The following MAP3K20 variants were observed in gnomAD, a reference collection of about 807,000 sequenced individuals.
MAP3K20 encodes the protein HCCS-4.
Under a neutral mutation model 85.7 loss-of-function variants are expected in MAP3K20, and 40 were observed. The ratio of observed to expected loss-of-function variants is 0.47; its 90% CI spans 0.36 to 0.61. The LOEUF (loss-of-function observed/expected upper bound fraction) is 0.61, where lower values mean the gene tolerates loss of function less well. Among genes scored for constraint, MAP3K20 ranks in the 20% least tolerant of loss-of-function variants. The pLI is 0.00. For synonymous variants in MAP3K20, 325 were observed against 327.7 expected, an observed-to-expected ratio of 0.99 and a Z score of 0.09; for missense variants, 817 against 961.7, an observed-to-expected ratio of 0.85 and a Z score of 1.99.
chr2:173,212,131 A>G (rs1035739620), intron 10 of MAP3K20: 1 of 152,130 alleles, frequency 6.6e-6, no homozygotes, highest in East Asian at 1.9e-4. Context: ...GAGAATATAA[A>G]TATGTATGTT....
intron 11 of MAP3K20, among the ~76,000 whole-genome samples, chr2:173,227,395 C>CAGAAA (rs1684418050): frequency 6.6e-6 from 1 of 152,066 alleles, no homozygotes; most frequent in Non-Finnish European, 1.5e-5. Flanking sequence ...TAACAAGGTA[C>CAGAAA]AGAAAACATA....
chr2:173,110,239 ATATTTTTTTTTTTT>A (rs1687928649), intron 2 of MAP3K20, among the ~76,000 whole-genome samples: 1 of 9,764 alleles, frequency 1.0e-4, no homozygotes, highest in Non-Finnish European at 1.7e-4. Context: ...ATATATATAT[ATATTTTTTTTTTTT>A]TTTTTTTTTT....
At chr2:173,109,593 AAG>A (rs1253242529) in intron 2 of MAP3K20, among the ~76,000 whole-genome samples, 1 of 152,176 alleles carries the variant, frequency 6.6e-6, no homozygotes, top group African/African-American at 2.4e-5. Context: ...TGTATAAAGA[AAG>A]AAGTATTTCA....
rs574033663 is a variant in MAP3K20 at position 173,214,426 on chromosome 2, G to C, written c.852-2689G>C. 4 of 152,272 alleles carry C rather than the reference G, an allele frequency of 2.6e-5. No homozygotes were observed. The South Asian group carries it at 8.3e-4, about 32-fold the overall frequency. 9.4% of individuals were successfully genotyped at this position (152,272 alleles called of 1,614,324 possible). A position where few individuals can be genotyped will look rare whatever the true frequency, so the allele number is the denominator to read the frequency against. ...TGTTGTGATGAGCGTTCCGATCTGT[G>C]TCTCTTGGCAAAACACTTGGTTGGT... On this transcript the variant is annotated intron_variant, in intron 10 of 19. Transcript: ENST00000375213.
At chr2:173,210,057 A>G in intron 10 of MAP3K20, 1 of 537,418 alleles carries the variant, frequency 1.9e-6, no homozygotes, top group Non-Finnish European at 3.3e-6. Flanking sequence ...TAAGTATTTG[A>G]AAAGAATATT....
rs1690916366 is a variant in MAP3K20, at chr2:173,198,244, C to G, written c.669+132C>G. 1.4e-6 allele frequency: 1 copy of G among 718,904 alleles called. No individual in the cohort carries two copies. Among genetic ancestry groups the G allele is most frequent in the South Asian group, 1.8e-5 (1 of 54,794 alleles). 44.5% of individuals were successfully genotyped at this position (718,904 alleles called of 1,614,324 possible). On this transcript the variant is annotated intron_variant, in intron 8 of 19. Coordinates refer to ENST00000375213, the MANE Select transcript of MAP3K20 (RefSeq NM_016653.3). The surrounding 1 kb of genome is among the most constrained non-coding windows in gnomAD (Gnocchi z 5.8). ...GAAAGATTAGCAGTAGGAGCTAACA[C>G]AAAGGGTCAAAGTGATGTTATTCCT... is the stretch of plus-strand genomic sequence containing the variant.
intron 11 of MAP3K20, chr2:173,226,500 C>G: frequency 1.0e-6 from 1 of 985,772 alleles, no homozygotes; most frequent in African/African-American, 1.7e-5. Context: ...ACATAAAAAT[C>G]TATTCTCTCC....
At chr2:173,239,342 C>A in intron 15 of MAP3K20, 62 bp from the exon 16 acceptor site, 2 of 1,319,184 alleles carry the variant, frequency 1.5e-6, no homozygotes, top group South Asian at 1.5e-5. Flanking sequence ...AAGATATCAT[C>A]TTCTTTACAT....
intron 10 of MAP3K20, chr2:173,215,764 T>C (rs1029392518): frequency 2.0e-5 from 3 of 152,236 alleles, no homozygotes; most frequent in Admixed American, 6.5e-5. Flanking sequence ...TTGTTTTCAT[T>C]CACTTAGTTA....
intron 7 of MAP3K20, chr2:173,197,740 T>A (rs1319826409): frequency 1.2e-5 from 2 of 166,468 alleles, no homozygotes; most frequent in Non-Finnish European, 2.6e-5. Context: ...TTCTGATAAT[T>A]TATGAGATGA....
At chr2:173,206,059 T>G (rs1309252032) in intron 9 of MAP3K20, among the ~76,000 whole-genome samples, 1 of 152,256 alleles carries the variant, frequency 6.6e-6, no homozygotes, top group Non-Finnish European at 1.5e-5. Context: ...GAAGTCATTT[T>G]GGACATATGT....
At chr2:173,211,897 C>T (rs940390205) in intron 10 of MAP3K20, 1 of 151,902 alleles carries the variant, frequency 6.6e-6, no homozygotes, top group Non-Finnish European at 1.5e-5. Context: ...CTGGGCGACA[C>T]AGCAAGACTC....
At chr2:173,149,606 A>G (rs1022040430) in intron 2 of MAP3K20, among the ~76,000 whole-genome samples, 12 of 152,116 alleles carry the variant, frequency 7.9e-5, no homozygotes, top group East Asian at 1.9e-4. Context: ...ACCTTGCTCA[A>G]TAGCACAGGG....
intron 3 of MAP3K20, among the ~76,000 whole-genome samples, chr2:173,178,381 A>G (rs1316967253): frequency 6.6e-6 from 1 of 152,206 alleles, no homozygotes; most frequent in Non-Finnish European, 1.5e-5. Flanking sequence ...CAGTGGCTCC[A>G]GCCTGTAATC....
Position 173,263,888 on chromosome 2 carries a change from C to T in MAP3K20, c.1695C>T (p.Ser565=), listed in dbSNP as rs772234268. 46 of 1,607,118 alleles carry T rather than the reference C, an allele frequency of 2.9e-5. 1 individual carries two copies. The South Asian group carries it at 3.5e-4, about 12-fold the overall frequency. Residue 565 remains serine, a synonymous_variant, in exon 19 of 20, where the codon TCC becomes TCT. Coordinates refer to ENST00000375213, the MANE Select transcript of MAP3K20 (RefSeq NM_016653.3). ...CAGATGGCAACCCTGGAAGCAGGTC[C>T]GACTCAAGTAAGTTAGTGTTCCCGT... The part of the protein sequence containing the change: ...TNSDGNPGSR[S]DSSADCQWLD...
At chr2:173,097,742 A>T (rs560235168) in intron 2 of MAP3K20, among the ~76,000 whole-genome samples, 1 of 152,248 alleles carries the variant, frequency 6.6e-6, no homozygotes, top group African/African-American at 2.4e-5. Context: ...GAGAAGATCA[A>T]CATGTCAAAC....
chr2:173,174,467 C>G (rs1690097032), intron 3 of MAP3K20, among the ~76,000 whole-genome samples: 1 of 152,208 alleles, frequency 6.6e-6, no homozygotes. Flanking sequence ...GTTTGGTTTT[C>G]TGTTCCTGTG....
At chr2:173,257,758 A>G (rs1448836911) in intron 16 of MAP3K20, among the ~76,000 whole-genome samples, 1 of 152,184 alleles carries the variant, frequency 6.6e-6, no homozygotes, top group African/African-American at 2.4e-5. Flanking sequence ...TACCATTTAC[A>G]TTCCCACCAA....
chr2:173,221,436 C>G (rs756126976), intron 11 of MAP3K20: 1 of 1,613,916 alleles, frequency 6.2e-7, no homozygotes, highest in East Asian at 2.2e-5. Flanking sequence ...GTCAACATGG[C>G]TCTGGGGTTC....
Sources: allele counts gnomAD v4.1 joint callset (sites outside exome capture counted in the v4.1 genomes callset), GRCh38; gene constraint gnomAD v4.1.1; non-coding constraint Gnocchi (gnomAD v3.1); transcripts MANE v1.5; gene names NCBI Gene and HGNC (gene_info 2026-07-23, HGNC 2026-07-21).